The following ERBB4 variants were observed in gnomAD, a reference collection of about 807,000 sequenced individuals.
ERBB4 encodes the protein erb-b2 receptor tyrosine kinase 4, also known as receptor tyrosine-protein kinase erbB-4.
ERBB4 carries 42 observed loss-of-function variants against 158.0 expected under a neutral mutation model. The observed-to-expected ratio is 0.27, with a 90% CI of 0.21 to 0.34. The LOEUF (loss-of-function observed/expected upper bound fraction) is 0.34, where lower values mean the gene tolerates loss of function less well. ERBB4 is among the 10% of genes least tolerant of loss of function. ERBB4 has a pLI of 1.00. For synonymous variants in ERBB4, 583 were observed against 558.7 expected, an observed-to-expected ratio of 1.04 and a Z score of -0.61; for missense variants, 1,333 against 1,624.1, an observed-to-expected ratio of 0.82 and a Z score of 3.08.
intron 3 of ERBB4, among the ~76,000 whole-genome samples, chr2:211,937,757 G>C (rs1040822952): frequency 2.0e-5 from 3 of 152,110 alleles, no homozygotes; most frequent in African/African-American, 7.2e-5. Flanking sequence ...CCAACCCCAT[G>C]ATTCAATTAT....
chr2:211,635,285 A>G (rs2070316535), intron 16 of ERBB4, among the ~76,000 whole-genome samples: 1 of 152,188 alleles, frequency 6.6e-6, no homozygotes, highest in Admixed American at 6.5e-5. Flanking sequence ...AACTAATCTC[A>G]CAGGGATTCT....
At chr2:211,401,574 G>A (rs1301418461) in intron 25 of ERBB4, among the ~76,000 whole-genome samples, 1 of 152,016 alleles carries the variant, frequency 6.6e-6, no homozygotes, top group Non-Finnish European at 1.5e-5. Context: ...ACTAAGAGAG[G>A]CATGTAGTCA....
At chr2:212,378,631 C>T (rs2090404825) in intron 1 of ERBB4, among the ~76,000 whole-genome samples, 1 of 151,720 alleles carries the variant, frequency 6.6e-6, no homozygotes, top group South Asian at 2.1e-4. Flanking sequence ...TCACTCGCAA[C>T]TAAATATTTT....
intron 2 of ERBB4, among the ~76,000 whole-genome samples, chr2:212,010,921 T>A (rs2076371180): frequency 6.6e-6 from 1 of 152,156 alleles, no homozygotes; most frequent in African/African-American, 2.4e-5. Flanking sequence ...TACTTGCACA[T>A]CCATTTATAG....
intron 2 of ERBB4, among the ~76,000 whole-genome samples, chr2:212,073,048 G>T (rs1335883121): frequency 6.6e-6 from 1 of 151,874 alleles, no homozygotes; most frequent in African/African-American, 2.4e-5. Flanking sequence ...TTAGACAAAA[G>T]TAGGAAAATG....
At chr2:212,124,931 A>G (rs766812080) in intron 1 of ERBB4, 28 bp from the exon 2 acceptor site, 3 of 1,613,288 alleles carry the variant, frequency 1.9e-6, no homozygotes, top group Non-Finnish European at 1.7e-6. Context: ...TACACGTGAA[A>G]TTACATAACC....
chr2:211,628,874 A>G (rs1173961676), intron 17 of ERBB4, among the ~76,000 whole-genome samples: 1 of 152,172 alleles, frequency 6.6e-6, no homozygotes, highest in Non-Finnish European at 1.5e-5. Context: ...AACTGGTGTG[A>G]AATGGTATCT....
At chr2:212,001,373 C>G (rs1177405644) in intron 2 of ERBB4, among the ~76,000 whole-genome samples, 1 of 152,064 alleles carries the variant, frequency 6.6e-6, no homozygotes, top group African/African-American at 2.4e-5. Context: ...TAATTAGACT[C>G]CTGTATTTTC....
intron 1 of ERBB4, among the ~76,000 whole-genome samples, chr2:212,227,815 T>C (rs1375531625): frequency 6.6e-6 from 1 of 151,814 alleles, no homozygotes; most frequent in African/African-American, 2.4e-5. Flanking sequence ...GATAGATTAC[T>C]GTCCAGTATA....
intron 2 of ERBB4, among the ~76,000 whole-genome samples, chr2:211,949,431 T>G (rs144740226): frequency 2.7e-4 from 41 of 152,342 alleles, no homozygotes; most frequent in African/African-American, 9.1e-4. Flanking sequence ...TAAATTTAGA[T>G]GTGCTGTAAG....
At chr2:212,324,018 C>A (rs980261723) in intron 1 of ERBB4, among the ~76,000 whole-genome samples, 4 of 150,392 alleles carry the variant, frequency 2.7e-5, no homozygotes, top group African/African-American at 9.7e-5. Flanking sequence ...CCAACTCATA[C>A]GAATTTCCAG....
Position 211,502,136 on chromosome 2 carries a change from T to C in ERBB4, c.2487+59767A>G, listed in dbSNP as rs979536002. Among the ~76,000 whole-genome samples the C allele has an allele frequency of 3.3e-5, 5 of 152,148 alleles. 1 individual carries two copies. Among genetic ancestry groups the C allele is most frequent in the African/African-American group, 1.2e-4 (5 of 41,456 alleles). Reference sequence around the variant, plus strand: ...GATTGAATAAACTTTCTGGACAGTGTAGTCACTTTAATGTTCTTCATAAAG... The same window carrying C: ...GATTGAATAAACTTTCTGGACAGTGCAGTCACTTTAATGTTCTTCATAAAG... On this transcript the variant is annotated intron_variant, in intron 20 of 27. Transcript: ENST00000342788.
chr2:211,453,299 A>C (rs1348302878), intron 20 of ERBB4, among the ~76,000 whole-genome samples: 2 of 152,234 alleles, frequency 1.3e-5, no homozygotes, highest in Non-Finnish European at 2.9e-5. Flanking sequence ...CTCATTTTAA[A>C]AGTATAATAA....
Position 211,708,454 on chromosome 2 carries a change from G to T in ERBB4, c.1125-3063C>A, listed in dbSNP as rs1012437583. On this transcript the variant is annotated intron_variant, in intron 9 of 27. Transcript: ENST00000342788. The stretch of plus-strand genomic sequence containing the variant: ...TTGCCTTTATTTGGTTTCCAAAAGA[G>T]TCTATATAAGACTATAATCAAGTCT... Among the ~76,000 whole-genome samples the T allele has an allele frequency of 2.6e-5, 4 of 152,046 alleles. No homozygotes were observed. The South Asian group carries it at 6.2e-4, about 24-fold the overall frequency.
intron 2 of ERBB4, among the ~76,000 whole-genome samples, chr2:212,009,484 G>A (rs1003242418): frequency 1.5e-4 from 23 of 151,520 alleles, no homozygotes; most frequent in South Asian, 2.1e-4. Flanking sequence ...TTTGATTTTG[G>A]CCTTATGACC....
intron 2 of ERBB4, among the ~76,000 whole-genome samples, chr2:212,060,959 T>TAATAAACA (rs2077744370): frequency 6.9e-6 from 1 of 145,812 alleles, no homozygotes; most frequent in Non-Finnish European, 1.5e-5. Context: ...TAAAGTATGA[T>TAATAAACA]AATAAATAAA....
At chr2:212,149,944 A>G (rs1377994497) in intron 1 of ERBB4, among the ~76,000 whole-genome samples, 2 of 152,206 alleles carry the variant, frequency 1.3e-5, no homozygotes, top group Non-Finnish European at 2.9e-5. Context: ...TTATCTCATC[A>G]GGAACACTTA....
rs1312746460 is a variant in ERBB4 at position 211,378,307 on chromosome 2, A to G, written c.*5308T>C. On this transcript the variant is annotated 3_prime_UTR_variant, in exon 28 of 28. Transcript: ENST00000342788. ...GGGCTTAGAGTCATTTTAGCTTGTG[A>G]CTATAGAAGCATTTACTTCTGCCCA... is the stretch of plus-strand genomic sequence containing the variant. 4.3e-6 allele frequency: 1 copy of G among 232,672 alleles called. No individual in the cohort carries two copies. The highest frequency in any genetic ancestry group is 8.5e-6 in the Non-Finnish European group (1 of 117,624). 14.4% of individuals were successfully genotyped at this position (232,672 alleles called of 1,614,324 possible). A position where few individuals can be genotyped will look rare whatever the true frequency, so the allele number is the denominator to read the frequency against.
At chr2:211,626,365 T>C (rs1004592120) in intron 17 of ERBB4, among the ~76,000 whole-genome samples, 20 of 152,168 alleles carry the variant, frequency 1.3e-4, no homozygotes, top group African/African-American at 4.8e-4. Context: ...AACAAAATGA[T>C]TTGAGGAACG....
Sources: allele counts gnomAD v4.1 joint callset (sites outside exome capture counted in the v4.1 genomes callset), GRCh38; gene constraint gnomAD v4.1.1; transcripts MANE v1.5; gene names NCBI Gene and HGNC (gene_info 2026-07-23, HGNC 2026-07-21).